PVT1: variants seen among roughly 807,000 people sequenced by gnomAD.
The protein encoded by PVT1 is Pvt1 oncogene.
chr8:127,912,983 C>T (rs1487285509), intron 3 of PVT1, among the ~76,000 whole-genome samples: 1 of 152,162 alleles, frequency 6.6e-6, no homozygotes, highest in Non-Finnish European at 1.5e-5. Context: ...CAGGCGTGAG[C>T]CACGCCCACC....
intron 3 of PVT1, among the ~76,000 whole-genome samples, chr8:127,957,634 C>T (rs1816587560): frequency 6.6e-6 from 1 of 151,340 alleles, no homozygotes; most frequent in South Asian, 2.1e-4. Flanking sequence ...GGGACATGGT[C>T]TTCATTTTAT....
chr8:127,872,537 C>T (rs1815362656), intron 2 of PVT1, among the ~76,000 whole-genome samples: 1 of 152,150 alleles, frequency 6.6e-6, no homozygotes, highest in African/African-American at 2.4e-5. Context: ...GTGCCTCTAT[C>T]AAAATATCTC....
chr8:128,023,649 C>T (rs1371821166), intron 4 of PVT1, among the ~76,000 whole-genome samples: 1 of 152,218 alleles, frequency 6.6e-6, no homozygotes, highest in Non-Finnish European at 1.5e-5. Flanking sequence ...CCTGATTTCT[C>T]TATTCAGAAC....
chr8:128,098,183 T>TGGGCTCAGGGGTTGGGAACAG (rs1814452864), intron 6 of PVT1, among the ~76,000 whole-genome samples: 1 of 152,110 alleles, frequency 6.6e-6, no homozygotes, highest in Admixed American at 6.5e-5. Flanking sequence ...GGAACAGGGC[T>TGGGCTCAGGGGTTGGGAACAG]GGGCTCAGGG....
chr8:127,883,234 C>T (rs532387423), intron 2 of PVT1, among the ~76,000 whole-genome samples: 2 of 152,276 alleles, frequency 1.3e-5, no homozygotes, highest in South Asian at 4.1e-4. Flanking sequence ...CCCTCACTTT[C>T]TGTGTTCTGT....
intron 2 of PVT1, among the ~76,000 whole-genome samples, chr8:127,805,628 A>G (rs1814519229): frequency 6.6e-6 from 1 of 152,064 alleles, no homozygotes; most frequent in South Asian, 2.1e-4. Context: ...ATTGGCAGGT[A>G]TTTGTGGAAT....
intron 3 of PVT1, among the ~76,000 whole-genome samples, chr8:127,944,576 G>C (rs1047788787): frequency 6.8e-5 from 10 of 147,630 alleles, no homozygotes; most frequent in African/African-American, 2.5e-4. Context: ...TTTAAATGGT[G>C]ACCCAAGTTC....
intron 2 of PVT1, among the ~76,000 whole-genome samples, chr8:127,862,615 G>C (rs1586411468): frequency 6.6e-6 from 1 of 152,056 alleles, no homozygotes; most frequent in East Asian, 1.9e-4. Flanking sequence ...TACACATGAG[G>C]TCTCACTATG....
At chr8:127,844,876 G>T (rs1815014456) in intron 2 of PVT1, among the ~76,000 whole-genome samples, 1 of 152,070 alleles carries the variant, frequency 6.6e-6, no homozygotes, top group Admixed American at 6.6e-5. Flanking sequence ...ACCACGCCTG[G>T]TTAATTTTCT....
chr8:128,090,779 A>G (rs1196920610), intron 5 of PVT1, among the ~76,000 whole-genome samples: 12 of 152,166 alleles, frequency 7.9e-5, no homozygotes. Flanking sequence ...TGCTGAGCAT[A>G]GTTAATCCAA....
intron 2 of PVT1, chr8:127,803,616 C>T (rs1419238502): frequency 1.3e-5 from 2 of 152,190 alleles, no homozygotes; most frequent in African/African-American, 4.8e-5. Flanking sequence ...GGGCCAGGCA[C>T]TGTGGCTTAT....
chr8:127,803,233 A>T (rs1814487669), intron 2 of PVT1: 1 of 142,482 alleles, frequency 7.0e-6, no homozygotes, highest in Admixed American at 7.5e-5. Flanking sequence ...GGTTCACGCC[A>T]TTCTCCTGCC....
intron 3 of PVT1, among the ~76,000 whole-genome samples, chr8:127,929,052 C>A (rs1295280430): frequency 6.6e-6 from 1 of 152,130 alleles, no homozygotes; most frequent in South Asian, 2.1e-4. Flanking sequence ...TTTTAATATA[C>A]CCCTACTTAG....
At chr8:127,893,026 G>A (rs1815631211) in intron 3 of PVT1, among the ~76,000 whole-genome samples, 1 of 152,242 alleles carries the variant, frequency 6.6e-6, no homozygotes, top group South Asian at 2.1e-4. Flanking sequence ...GTGGTGGTCT[G>A]GGTTATCTCC....
Position 127,797,173 on chromosome 8 carries a change from C to T in PVT1, n.372+1102C>T, listed in dbSNP as rs1271242681. On this transcript the variant is annotated intron_variant and non_coding_transcript_variant, in intron 2 of 10. Coordinates refer to ENST00000651587, the Ensembl canonical transcript of PVT1. ...GAGGCCTCCCAAGTTGCTGGGATTACAGGCATGGACCACCATGCCTGGCTA... is the reference window on the plus strand; with the variant it reads ...GAGGCCTCCCAAGTTGCTGGGATTATAGGCATGGACCACCATGCCTGGCTA... Among the ~76,000 whole-genome samples, 4 of 152,156 alleles carry T rather than the reference C, an allele frequency of 2.6e-5. No individual in the cohort carries two copies. The East Asian group carries it at 5.8e-4, about 22-fold the overall frequency.
intron 4 of PVT1, among the ~76,000 whole-genome samples, chr8:128,013,686 A>T (rs2130040274): frequency 6.6e-6 from 1 of 151,726 alleles, no homozygotes; most frequent in South Asian, 2.1e-4. Context: ...TGTGGGGGAG[A>T]CTCTCCTGAC....
intron 5 of PVT1, among the ~76,000 whole-genome samples, chr8:128,094,901 G>A (rs1483714779): frequency 2.0e-5 from 3 of 152,184 alleles, no homozygotes; most frequent in South Asian, 2.1e-4. Flanking sequence ...GACTGTTGGT[G>A]GACAGGCAGA....
At chr8:128,089,408 C>T (rs931349612) in intron 5 of PVT1, among the ~76,000 whole-genome samples, 9 of 152,140 alleles carry the variant, frequency 5.9e-5, no homozygotes, top group Admixed American at 3.9e-4. Context: ...GGTCCACCGT[C>T]ATGACCATCA....
intron 3 of PVT1, among the ~76,000 whole-genome samples, chr8:127,940,966 T>A (rs564673305): frequency 1.3e-5 from 2 of 152,162 alleles, no homozygotes; most frequent in African/African-American, 4.8e-5. Flanking sequence ...AAGGAACCTG[T>A]AGGCTGCCTT....
Sources: gnomAD v4.1 joint callset for allele counts (sites outside exome capture counted in the v4.1 genomes callset) on GRCh38, gnomAD v4.1.1 for gene constraint, MANE v1.5 for transcripts, NCBI Gene and HGNC (gene_info 2026-07-23, HGNC 2026-07-21) for gene names.